Variants in RUFY2 observed in about 807,000 individuals in gnomAD.
The protein encoded by RUFY2 is RUN and FYVE domain-containing protein 2.
RUFY2 carries 49 observed loss-of-function variants against 94.4 expected under a neutral mutation model. The ratio of observed to expected loss-of-function variants is 0.52; its 90% CI spans 0.41 to 0.66. The LOEUF is 0.66. RUFY2 is among the 30% of genes least tolerant of loss of function. RUFY2 has a pLI of 0.00. For missense variants in RUFY2, 541 were observed against 692.8 expected (o/e 0.78, Z 2.46); for synonymous variants, 255 against 235.7 (o/e 1.08, Z -0.75).
intron 16 of RUFY2, chr10:68,346,347 T>G (rs1311265993): frequency 5.8e-6 from 2 of 345,556 alleles, no homozygotes; most frequent in African/African-American, 2.2e-5. Context: ...TTCCAGCTAC[T>G]TGGGAGGCTG....
chr10:68,385,787 G>C (rs1453319101), intron 8 of RUFY2, among the ~76,000 whole-genome samples: 1 of 152,102 alleles, frequency 6.6e-6, no homozygotes, highest in Non-Finnish European at 1.5e-5. Flanking sequence ...CTTATCTACT[G>C]AAGAATTTGT....
intron 13 of RUFY2, among the ~76,000 whole-genome samples, chr10:68,369,706 G>C (rs2048121819): frequency 6.6e-6 from 1 of 152,084 alleles, no homozygotes; most frequent in Non-Finnish European, 1.5e-5. Context: ...AGGATCACTT[G>C]AGTCTAGGAG....
chr10:68,379,450 A>G lies in RUFY2; in HGVS notation c.1179T>C (p.Thr393=). The change falls in exon 12 of 18, where the codon ACT becomes ACC. Residue 393 remains threonine, a synonymous_variant. Coordinates refer to ENST00000602465, the MANE Select transcript of RUFY2 (RefSeq NM_001330103.2). ...TTTGTTCCAGCTGCCTCATGGCTGC[A>G]GTAATTTTATTGGTTTTTTCTTCTA... ...ARLEEKTNKI[T]AAMRQLEQRL... is the part of the protein sequence containing the mutation. 1 of 1,612,776 alleles carries G rather than the reference A, an allele frequency of 6.2e-7. No individual in the cohort carries two copies. Among genetic ancestry groups the G allele is most frequent in the Non-Finnish European group, 8.5e-7 (1 of 1,179,536 alleles).
At chr10:68,396,187 C>T (rs942990777) in intron 4 of RUFY2, among the ~76,000 whole-genome samples, 3 of 152,062 alleles carry the variant, frequency 2.0e-5, no homozygotes, top group East Asian at 1.9e-4. Context: ...TTAGTAGAGA[C>T]GGGGTTTCAC....
intron 11 of RUFY2, among the ~76,000 whole-genome samples, chr10:68,379,954 C>T (rs1049116246): frequency 4.0e-5 from 6 of 151,880 alleles, no homozygotes; most frequent in African/African-American, 1.5e-4. Flanking sequence ...AATACAGGTG[C>T]CCGCCACTGC....
intron 14 of RUFY2, 91 bp downstream of exon 14, chr10:68,363,893 A>G: frequency 1.9e-6 from 2 of 1,075,270 alleles, no homozygotes; most frequent in South Asian, 3.4e-5. Flanking sequence ...TAGTATATCC[A>G]TTTCCTTGGT....
At chr10:68,364,838 C>A (rs1293232454) in intron 13 of RUFY2, among the ~76,000 whole-genome samples, 1 of 151,718 alleles carries the variant, frequency 6.6e-6, no homozygotes, top group Non-Finnish European at 1.5e-5. Context: ...AGACTATAGG[C>A]CTGCCACCAA....
At chr10:68,366,540 C>T (rs570326405) in intron 13 of RUFY2, among the ~76,000 whole-genome samples, 12 of 150,226 alleles carry the variant, frequency 8.0e-5, no homozygotes, top group African/African-American at 2.4e-4. Flanking sequence ...GTCAGGAGTT[C>T]GAGAACAGCC....
rs564003029 is a variant in RUFY2, at chr10:68,405,905, T to TGATATTTTTAA, written c.5-1072_5-1062dup. ...AATTCTAAAAGGCCTGATTTTTAATTGATATTTTTAAGACACAGTATCATC... is the reference window on the plus strand; with the variant it reads ...AATTCTAAAAGGCCTGATTTTTAATTGATATTTTTAAGATATTTTTAAGACACAGTATCATC... On this transcript the variant is annotated intron_variant, in intron 1 of 17. Transcript: ENST00000602465. Among the ~76,000 whole-genome samples the TGATATTTTTAA allele has an allele frequency of 9.9e-3, 1,509 of 152,288 alleles. 21 individuals are homozygous for TGATATTTTTAA. The highest frequency in any genetic ancestry group is 0.033 in the African/African-American group (1,354 of 41,540).
chr10:68,405,974 G>A lies in RUFY2; in HGVS notation c.5-1130C>T, dbSNP rs12263067. Among the ~76,000 whole-genome samples, 532 of 152,158 alleles carry A rather than the reference G, an allele frequency of 3.5e-3. 4 individuals carry two copies. The highest frequency in any genetic ancestry group is 0.012 in the African/African-American group (508 of 41,504). ...TCACAAAAATATTGTCCTCCTTCCC[G>A]CAAATTTTATTCTCAGTTTACTTAG... On this transcript the variant is annotated intron_variant, in intron 1 of 17. Transcript: ENST00000602465.
chr10:68,352,849 G>A (rs891939780), intron 16 of RUFY2, among the ~76,000 whole-genome samples: 7 of 151,968 alleles, frequency 4.6e-5, no homozygotes, highest in Non-Finnish European at 8.8e-5. Flanking sequence ...GAACCCGGGA[G>A]GTGGAGGTTG....
At chr10:68,370,006 G>A (rs3927445) in intron 13 of RUFY2, among the ~76,000 whole-genome samples, 16,544 of 149,800 alleles carry the variant, frequency 0.11, 1,112 homozygotes, top group South Asian at 0.25. Context: ...AATCTAGGCC[G>A]GGCACGGGGG....
intron 4 of RUFY2, among the ~76,000 whole-genome samples, chr10:68,395,587 A>C (rs1227936312): frequency 6.6e-6 from 1 of 152,234 alleles, no homozygotes; most frequent in Admixed American, 6.5e-5. Flanking sequence ...ATCATCAATT[A>C]AAGACACTTT....
intron 13 of RUFY2, among the ~76,000 whole-genome samples, chr10:68,371,703 TG>T (rs1296398355): frequency 6.6e-6 from 1 of 151,910 alleles, no homozygotes; most frequent in East Asian, 1.9e-4. Flanking sequence ...TTCCCAAATC[TG>T]ACAAAGACAT....
intron 13 of RUFY2, among the ~76,000 whole-genome samples, chr10:68,366,785 TTAA>T (rs1334508320): frequency 0.014 from 1,279 of 90,052 alleles, 30 homozygotes; most frequent in African/African-American, 0.049. Context: ...AAATAAATAA[TTAA>T]TAATATATAA....
At chr10:68,372,243 T>C (rs1245782549) in intron 13 of RUFY2, among the ~76,000 whole-genome samples, 5 of 151,736 alleles carry the variant, frequency 3.3e-5, no homozygotes, top group African/African-American at 1.2e-4. Flanking sequence ...ATCCTGTCCC[T>C]ATAAAAATTA....
rs1278647643 is a variant in RUFY2 at position 68,345,371 on chromosome 10, T to TA, written c.*396dup. On this transcript the variant is annotated 3_prime_UTR_variant, in exon 18 of 18. Coordinates refer to ENST00000602465, the MANE Select transcript of RUFY2 (RefSeq NM_001330103.2). ...AGAATATTAATAATTTTAAAAGTTT[T>TA]ATGCGTTTCCAGTTTCAGAACTGTG... The TA allele has an allele frequency of 5.2e-6, 2 of 384,192 alleles. No homozygotes were observed. Among genetic ancestry groups the TA allele is most frequent in the African/African-American group, 2.1e-5 (1 of 48,372 alleles). 23.8% of individuals were successfully genotyped at this position (384,192 alleles called of 1,614,324 possible).
rs1019792530 is a variant in RUFY2 at position 68,344,434 on chromosome 10, T to C, written c.*1334A>G. The C allele has an allele frequency of 6.6e-5, 10 of 152,202 alleles. No homozygotes were observed. The highest frequency in any genetic ancestry group is 2.4e-4 in the African/African-American group (10 of 41,438). The allele number at this position is 152,202 out of a possible 1,614,324, so 9.4% of individuals were successfully genotyped here. The stretch of plus-strand genomic sequence containing the variant: ...ATGTAAAAAATAGGATACTGAATGG[T>C]GATAGTGTTTATGTAACTATTCAGA... On this transcript the variant is annotated 3_prime_UTR_variant, in exon 18 of 18. Coordinates refer to ENST00000602465, the MANE Select transcript of RUFY2 (RefSeq NM_001330103.2).
intron 15 of RUFY2, among the ~76,000 whole-genome samples, chr10:68,359,575 CT>C (rs1405392627): frequency 1.4e-5 from 2 of 141,372 alleles, no homozygotes; most frequent in Non-Finnish European, 1.5e-5. Flanking sequence ...AGTAGTACTA[CT>C]ATATATAAAT....
Sources: gnomAD v4.1 joint callset for allele counts (sites outside exome capture counted in the v4.1 genomes callset) on GRCh38, gnomAD v4.1.1 for gene constraint, MANE v1.5 for transcripts, NCBI Gene and HGNC (gene_info 2026-07-23, HGNC 2026-07-21) for gene names.